Variants in HDLBP observed in about 807,000 individuals in gnomAD.
The protein encoded by HDLBP is vigilin.
HDLBP carries 30 observed loss-of-function variants against 137.3 expected under a neutral mutation model. That is an observed-to-expected ratio of 0.22 (90% CI 0.16 to 0.30). HDLBP has a LOEUF of 0.30. Among genes scored for constraint, HDLBP ranks in the 10% least tolerant of loss-of-function variants. HDLBP has a pLI of 1.00. For synonymous variants in HDLBP, 606 were observed against 596.0 expected, an observed-to-expected ratio of 1.02 and a Z score of -0.24; for missense variants, 1,119 against 1,667.3, an observed-to-expected ratio of 0.67 and a Z score of 5.73.
chr2:241,246,710 G>C (rs1256339472), intron 16 of HDLBP, 42 bp downstream of exon 16: 1 of 1,595,436 alleles, frequency 6.3e-7, no homozygotes, highest in Non-Finnish European at 8.6e-7. Flanking sequence ...GGCTGTTAGA[G>C]ATTTTACTGG....
intron 20 of HDLBP, among the ~76,000 whole-genome samples, chr2:241,237,774 ATG>A (rs996184109): frequency 1.3e-5 from 2 of 152,250 alleles, no homozygotes; most frequent in Admixed American, 6.5e-5. Context: ...GTGCCACAGG[ATG>A]TGTCTTTATA....
chr2:241,300,752 C>T (rs577469465), intron 1 of HDLBP, among the ~76,000 whole-genome samples: 2 of 152,138 alleles, frequency 1.3e-5, no homozygotes, highest in South Asian at 2.1e-4. Flanking sequence ...GGGCTGAACC[C>T]GGGGACACCC....
chr2:241,280,604 G>GT (rs1172219111), intron 1 of HDLBP, among the ~76,000 whole-genome samples: 1 of 152,146 alleles, frequency 6.6e-6, no homozygotes, highest in Non-Finnish European at 1.5e-5. Context: ...GTGAAAATAC[G>GT]TAACTTGTGT....
At position 241,298,382 on chromosome 2, in the gene HDLBP, G is replaced by T. The variant is rs11677414; in HGVS notation, c.-103+17188C>A. On this transcript the variant is annotated intron_variant, in intron 1 of 27. Transcript: ENST00000310931. ...CTCAGTCTGAAAAAATAATAATAAT[G>T]AAAAAAATAAATAGATAAATAAATA... 7.9e-5 allele frequency among the ~76,000 whole-genome samples: 12 copies of T among 151,398 alleles called. No individual in the cohort carries two copies. The South Asian group carries it at 1.0e-3, about 13-fold the overall frequency.
chr2:241,248,398 A>G, intron 12 of HDLBP, 50 bp from the exon 13 acceptor site: 3 of 1,419,020 alleles, frequency 2.1e-6, no homozygotes, highest in Non-Finnish European at 3.0e-6. Context: ...ACGGCGAGCA[A>G]CTCCCCACTG....
intron 1 of HDLBP, among the ~76,000 whole-genome samples, chr2:241,288,528 C>A (rs979712741): frequency 2.0e-5 from 3 of 152,210 alleles, no homozygotes; most frequent in Non-Finnish European, 4.4e-5. Context: ...GTGAAGTGTA[C>A]TCTCCACTGG....
At chr2:241,286,382 CCT>C (rs1485669924) in intron 1 of HDLBP, among the ~76,000 whole-genome samples, 3 of 152,198 alleles carry the variant, frequency 2.0e-5, no homozygotes. Flanking sequence ...CAAAGTCTCC[CCT>C]CTGTTCACTG....
chr2:241,312,675 G>A (rs776635298), intron 1 of HDLBP, among the ~76,000 whole-genome samples: 4 of 152,142 alleles, frequency 2.6e-5, no homozygotes, highest in Non-Finnish European at 4.4e-5. Flanking sequence ...AAAAGCTTTC[G>A]TATCACCATT....
intron 1 of HDLBP, among the ~76,000 whole-genome samples, chr2:241,305,640 T>C (rs1358703236): frequency 1.3e-5 from 2 of 152,276 alleles, no homozygotes; most frequent in South Asian, 2.1e-4. Context: ...ACCACAAAGG[T>C]CTCTGGACAC....
At chr2:241,312,282 A>G (rs981171761) in intron 1 of HDLBP, among the ~76,000 whole-genome samples, 20 of 152,252 alleles carry the variant, frequency 1.3e-4, no homozygotes, top group Non-Finnish European at 1.9e-4. Flanking sequence ...GTCTCAGAAC[A>G]AATGTCTAGC....
In HDLBP at chr2:241,255,337, C is replaced by T; in HGVS notation, c.1080+37G>A. Reference sequence around the variant, plus strand: ...ATCCATGAAGGCCCCGCGGACTCCACTCAAAGGAGACACACTTCATGCTCG... The same window carrying T: ...ATCCATGAAGGCCCCGCGGACTCCATTCAAAGGAGACACACTTCATGCTCG... On this transcript the variant is annotated intron_variant, in intron 8 of 27. Transcript: ENST00000310931. 4 of 1,584,252 alleles carry T rather than the reference C, an allele frequency of 2.5e-6. No homozygotes were observed. The South Asian group carries it at 4.4e-5, about 18-fold the overall frequency.
chr2:241,300,950 C>CCATTAT (rs1413140174), intron 1 of HDLBP, among the ~76,000 whole-genome samples: 1 of 143,910 alleles, frequency 6.9e-6, no homozygotes, highest in African/African-American at 2.6e-5. Context: ...TGCACACATA[C>CCATTAT]TATTATTATT....
In HDLBP at chr2:241,255,090, T is replaced by C; in HGVS notation, c.1149A>G (p.Lys383=). ...GAGTGATTTTGGCCAGGTTCTGCCC[T>C]TTCTTGCCAATGATGAAACGGTGAA... ...SWLHRFIIGK[K]GQNLAKITQQ... Residue 383 remains lysine, a synonymous_variant, in exon 9 of 28, where the codon AAA becomes AAG. Coordinates refer to ENST00000310931, the MANE Select transcript of HDLBP (RefSeq NM_005336.6). 1 of 1,614,204 alleles carries C rather than the reference T, an allele frequency of 6.2e-7. No individual in the cohort carries two copies.
At chr2:241,289,512 C>G (rs542258837) in intron 1 of HDLBP, among the ~76,000 whole-genome samples, 1 of 152,140 alleles carries the variant, frequency 6.6e-6, no homozygotes, top group African/African-American at 2.4e-5. Context: ...ATGGAGATAC[C>G]GGACTCAGAT....
At position 241,229,696 on chromosome 2, in the gene HDLBP, A is replaced by G. The variant is rs1008378864; in HGVS notation, c.3721-9T>C. The G allele has an allele frequency of 1.2e-6, 2 of 1,613,846 alleles. No individual in the cohort carries two copies. The highest frequency in any genetic ancestry group is 1.7e-6 in the Non-Finnish European group (2 of 1,179,870). On this transcript the variant is annotated splice_polypyrimidine_tract_variant and intron_variant, in intron 27 of 27. Coordinates refer to ENST00000310931, the MANE Select transcript of HDLBP (RefSeq NM_005336.6). ...CTGCTCATGTCAGGAGCCTGTGCAG[A>G]GAGAGGACACGGCTTCAGGAGGGGA...
At position 241,236,497 on chromosome 2, in the gene HDLBP, C is replaced by T. The variant is rs2070467571; in HGVS notation, c.2904+118G>A. ...TGCGCACACGGTAGGAGCAAGAGGG[C>T]TACCTCCACTGCCACTGCCGCTTGG... On this transcript the variant is annotated intron_variant, in intron 21 of 27. Coordinates refer to ENST00000310931, the MANE Select transcript of HDLBP (RefSeq NM_005336.6). The T allele has an allele frequency of 3.5e-5, 35 of 1,012,086 alleles. No homozygotes were observed. In the South Asian group the frequency reaches 4.9e-4, roughly 14 times the overall value. 62.7% of individuals were successfully genotyped at this position (1,012,086 alleles called of 1,614,324 possible).
At chr2:241,284,027 G>GA (rs57210051) in intron 1 of HDLBP, among the ~76,000 whole-genome samples, 86,890 of 147,952 alleles carry the variant, frequency 0.59, 25,370 homozygotes, top group East Asian at 0.77. Flanking sequence ...CTACTGCCCA[G>GA]AAAAAAAAAA....
chr2:241,253,302 C>T, intron 10 of HDLBP, 91 bp downstream of exon 10: 2 of 885,864 alleles, frequency 2.3e-6, no homozygotes, highest in South Asian at 2.6e-5. Context: ...TGTGCCCGGA[C>T]ATGTGGGATG....
At chr2:241,244,800 AAAT>A (rs2149428216) in intron 16 of HDLBP, among the ~76,000 whole-genome samples, 1 of 152,362 alleles carries the variant, frequency 6.6e-6, no homozygotes, top group African/African-American at 2.4e-5. Context: ...TCTCTTTAAA[AAAT>A]AATGGAATTT....
Sources: gnomAD v4.1 joint callset for allele counts (sites outside exome capture counted in the v4.1 genomes callset) on GRCh38, gnomAD v4.1.1 for gene constraint, MANE v1.5 for transcripts, NCBI Gene and HGNC (gene_info 2026-07-23, HGNC 2026-07-21) for gene names.